SLCO3A1: variants seen among roughly 807,000 people sequenced by gnomAD.
SLCO3A1 encodes solute carrier organic anion transporter family member 3A1, also known as PGE1 transporter.
SLCO3A1 carries 27 observed loss-of-function variants against 63.1 expected under a neutral mutation model. That is an observed-to-expected ratio of 0.43 (90% CI 0.32 to 0.59). SLCO3A1 has a LOEUF of 0.59. Ranked by LOEUF, SLCO3A1 falls within the 20% of genes least tolerant of loss-of-function variation. SLCO3A1 has a pLI of 0.09. For synonymous variants in SLCO3A1, 473 were observed against 409.9 expected (o/e 1.15, Z -1.86); for missense variants, 773 against 945.8 (o/e 0.82, Z 2.40).
Position 91,875,246 on chromosome 15 carries a change from C to T in SLCO3A1, c.180+21158C>T, listed in dbSNP as rs940476205. On this transcript the variant is annotated intron_variant, in intron 1 of 9. Transcript: ENST00000318445. The surrounding 1 kb of genome is among the most constrained non-coding windows in gnomAD (Gnocchi z 4.5). ...AGTCCTTTAGGGGCGGCAGTGTTGT[C>T]CCACATTGTAGCTCATTGTAGGAGA... Among the ~76,000 whole-genome samples, 6 of 152,138 alleles carry T rather than the reference C, an allele frequency of 3.9e-5. No homozygotes were observed. The highest frequency in any genetic ancestry group is 1.4e-4 in the African/African-American group (6 of 41,424).
rs2151427185 is a variant in SLCO3A1 at position 91,968,834 on chromosome 15, CT to C, written c.646+52381del. Among the ~76,000 whole-genome samples the C allele has an allele frequency of 6.6e-6, 1 of 152,292 alleles. No individual in the cohort carries two copies. The highest frequency in any genetic ancestry group is 2.1e-4 in the South Asian group (1 of 4,830). On this transcript the variant is annotated intron_variant, in intron 2 of 9. Transcript: ENST00000318445. The surrounding 1 kb of genome is among the most constrained non-coding windows in gnomAD (Gnocchi z 4.2). Reference sequence around the variant, plus strand: ...TTAGGGTGGCGCTGTTTATTGGCGCCTTTTTGCTTGGCACATTCTGGTTCCT... The same window carrying C: ...TTAGGGTGGCGCTGTTTATTGGCGCCTTTTGCTTGGCACATTCTGGTTCCT...
At chr15:91,938,480 T>C (rs1899495873) in intron 2 of SLCO3A1, among the ~76,000 whole-genome samples, 1 of 130,812 alleles carries the variant, frequency 7.6e-6, no homozygotes, top group East Asian at 2.9e-4. Flanking sequence ...TTGGTTTTTT[T>C]TGTTTTTTTT....
At chr15:91,965,760 A>G (rs1316383645) in intron 2 of SLCO3A1, among the ~76,000 whole-genome samples, 2 of 148,922 alleles carry the variant, frequency 1.3e-5, no homozygotes, top group Non-Finnish European at 3.0e-5. Context: ...GTGTGGAGGG[A>G]AATTCGTAGG....
chr15:92,160,952 G>A (rs572635698), intron 9 of SLCO3A1, among the ~76,000 whole-genome samples: 7 of 151,756 alleles, frequency 4.6e-5, no homozygotes, highest in Non-Finnish European at 7.4e-5. Context: ...TGAGATACAG[G>A]TTTGATTTTA....
intron 3 of SLCO3A1, among the ~76,000 whole-genome samples, chr15:92,097,735 GT>G (rs1567118254): frequency 3.7e-4 from 56 of 150,408 alleles, no homozygotes; most frequent in African/African-American, 1.3e-3. Context: ...CGGAGGCACC[GT>G]GAGGCACCGT....
intron 2 of SLCO3A1, among the ~76,000 whole-genome samples, chr15:91,927,881 G>A (rs1210261438): frequency 6.6e-5 from 10 of 152,210 alleles, no homozygotes; most frequent in Non-Finnish European, 1.3e-4. Context: ...AAACCTGGTG[G>A]TGTCTATTAT....
Position 91,954,252 on chromosome 15 carries a change from C to T in SLCO3A1, c.646+37794C>T, listed in dbSNP as rs1202803577. On this transcript the variant is annotated intron_variant, in intron 2 of 9. Transcript: ENST00000318445. This position sits in a 1 kb window ranked among gnomAD's most constrained non-coding sequence, Gnocchi z 4.7. Reference sequence around the variant, plus strand: ...GAATTCCATTGGATTAGAAGCTGTGCGGGTGCCCCTACGTTCTCACTTGTC... The same window carrying T: ...GAATTCCATTGGATTAGAAGCTGTGTGGGTGCCCCTACGTTCTCACTTGTC... Among the ~76,000 whole-genome samples, 2 of 152,174 alleles carry T rather than the reference C, an allele frequency of 1.3e-5. No homozygotes were observed. Among genetic ancestry groups the T allele is most frequent in the African/African-American group, 4.8e-5 (2 of 41,428 alleles).
At chr15:92,054,587 C>T (rs2151500394) in intron 2 of SLCO3A1, among the ~76,000 whole-genome samples, 1 of 152,258 alleles carries the variant, frequency 6.6e-6, no homozygotes, top group Non-Finnish European at 1.5e-5. Context: ...CATTAGCTAT[C>T]CTGATGCTCT....
intron 2 of SLCO3A1, among the ~76,000 whole-genome samples, chr15:91,949,647 T>C (rs901385044): frequency 7.9e-5 from 12 of 151,942 alleles, no homozygotes; most frequent in African/African-American, 2.9e-4. Flanking sequence ...GAAGAGTAAC[T>C]GTAGGTGAAT....
intron 1 of SLCO3A1, among the ~76,000 whole-genome samples, chr15:91,902,674 G>T (rs1041676902): frequency 3.3e-5 from 5 of 152,068 alleles, no homozygotes; most frequent in Admixed American, 3.3e-4. Context: ...TGAAATGGTT[G>T]TTTTTGACAG....
At chr15:92,134,399 G>A (rs1012833753) in intron 7 of SLCO3A1, among the ~76,000 whole-genome samples, 8 of 152,128 alleles carry the variant, frequency 5.3e-5, no homozygotes, top group Non-Finnish European at 8.8e-5. Context: ...TAAGTGTAGA[G>A]ATGAATAAGG....
chr15:91,996,403 C>G (rs1567057930), intron 2 of SLCO3A1, among the ~76,000 whole-genome samples: 1 of 151,910 alleles, frequency 6.6e-6, no homozygotes, highest in South Asian at 2.1e-4. Context: ...GTATCATAAA[C>G]ATTTTTTTTT....
intron 8 of SLCO3A1, among the ~76,000 whole-genome samples, chr15:92,150,696 A>G (rs1256430893): frequency 3.3e-5 from 5 of 152,098 alleles, no homozygotes; most frequent in African/African-American, 1.2e-4. Flanking sequence ...TGTCCTTCGA[A>G]TGACAAGGTT....
chr15:91,875,050 C>A lies in SLCO3A1; in HGVS notation c.180+20962C>A, dbSNP rs1897366676. On this transcript the variant is annotated intron_variant, in intron 1 of 9. Transcript: ENST00000318445. This position sits in a 1 kb window ranked among gnomAD's most constrained non-coding sequence, Gnocchi z 4.5. ...GATGGGTGGTTACATCCACACCACTCCACATGAAACAGACATTTGCCGCCT... is the reference window on the plus strand; with the variant it reads ...GATGGGTGGTTACATCCACACCACTACACATGAAACAGACATTTGCCGCCT... 6.6e-6 allele frequency among the ~76,000 whole-genome samples: 1 copy of A among 152,204 alleles called. No homozygotes were observed.
At chr15:91,884,511 CAAA>C (rs776448274) in intron 1 of SLCO3A1, among the ~76,000 whole-genome samples, 3 of 102,316 alleles carry the variant, frequency 2.9e-5, no homozygotes, top group Admixed American at 1.1e-4. Flanking sequence ...GATTCTGTCT[CAAA>C]AAAAAAAAAA....
Position 92,045,210 on chromosome 15 carries a change from G to A in SLCO3A1, c.647-49671G>A, listed in dbSNP as rs542006217. 8.3e-4 allele frequency among the ~76,000 whole-genome samples: 126 copies of A among 151,162 alleles called. 1 individual carries two copies. Among genetic ancestry groups the A allele is most frequent in the African/African-American group, 2.8e-3 (116 of 41,124 alleles). The stretch of plus-strand genomic sequence containing the variant: ...CAGGAAAATCTCTTGAACCTGGGAG[G>A]CGGAGGTTCCAGTGAGTTGAGATCA... On this transcript the variant is annotated intron_variant, in intron 2 of 9. Transcript: ENST00000318445.
intron 2 of SLCO3A1, among the ~76,000 whole-genome samples, chr15:92,011,908 T>A (rs1463660139): frequency 1.3e-5 from 2 of 152,218 alleles, no homozygotes; most frequent in Non-Finnish European, 2.9e-5. Flanking sequence ...GCTGTGTTAT[T>A]TGGAATGGCT....
chr15:92,052,104 A>G (rs1026953361), intron 2 of SLCO3A1, among the ~76,000 whole-genome samples: 3 of 152,106 alleles, frequency 2.0e-5, no homozygotes, highest in Admixed American at 6.6e-5. Context: ...GCTCATCGCC[A>G]TATCCCCAAC....
intron 4 of SLCO3A1, among the ~76,000 whole-genome samples, chr15:92,117,277 G>T (rs1397119370): frequency 6.6e-6 from 1 of 152,172 alleles, no homozygotes; most frequent in African/African-American, 2.4e-5. Context: ...GAGCCAAAGA[G>T]CAAAGTTGCT....
Sources: gnomAD v4.1 joint callset for allele counts (sites outside exome capture counted in the v4.1 genomes callset) on GRCh38, gnomAD v4.1.1 for gene constraint, Gnocchi (gnomAD v3.1) non-coding constraint, MANE v1.5 for transcripts, NCBI Gene and HGNC (gene_info 2026-07-23, HGNC 2026-07-21) for gene names.